KATNIP: variants seen among roughly 807,000 people sequenced by gnomAD.
KATNIP encodes the protein katanin interacting protein.
A neutral mutation model predicts 174.0 loss-of-function variants in KATNIP; 126 were observed. The observed-to-expected ratio is 0.72, with a 90% CI of 0.63 to 0.84. The LOEUF (loss-of-function observed/expected upper bound fraction) is 0.84, where lower values mean the gene tolerates loss of function less well. KATNIP is among the 40% of genes least tolerant of loss of function. KATNIP has a pLI of 0.00. For missense variants in KATNIP, 1,958 were observed against 2,109.7 expected (o/e 0.93, Z 1.41); for synonymous variants, 810 against 835.7 (o/e 0.97, Z 0.53).
intron 12 of KATNIP, 135 bp from the exon 13 acceptor site, chr16:27,708,570 T>A: frequency 3.2e-6 from 2 of 633,164 alleles, no homozygotes; most frequent in South Asian, 2.0e-5. Flanking sequence ...GTGCTATTCT[T>A]ATCCTCATTG....
At chr16:27,736,631 C>T (rs192759546) in intron 14 of KATNIP, among the ~76,000 whole-genome samples, 17 of 152,202 alleles carry the variant, frequency 1.1e-4, no homozygotes, top group African/African-American at 2.9e-4. Flanking sequence ...TCGAGGCAAG[C>T]GCCAGGAGCC....
At chr16:27,563,465 C>T (rs907429175) in intron 1 of KATNIP, among the ~76,000 whole-genome samples, 3 of 152,122 alleles carry the variant, frequency 2.0e-5, no homozygotes, top group Non-Finnish European at 4.4e-5. Flanking sequence ...CTGCAGTGAG[C>T]TGTGATCACA....
intron 17 of KATNIP, among the ~76,000 whole-genome samples, chr16:27,753,771 C>T (rs1211256523): frequency 6.8e-6 from 1 of 147,806 alleles, no homozygotes; most frequent in East Asian, 2.0e-4. Context: ...TCCTCCTTCC[C>T]TCCTTCCTTT....
chr16:27,616,041 G>T (rs2076025524), intron 2 of KATNIP, among the ~76,000 whole-genome samples: 1 of 152,090 alleles, frequency 6.6e-6, no homozygotes, highest in African/African-American at 2.4e-5. Flanking sequence ...AGCTGATATT[G>T]TATCGTTAAT....
In KATNIP at chr16:27,745,448, CTA is replaced by C. The variant is rs200784814; in HGVS notation, c.2624-4134_2624-4133del. ...AAATGGCCTCACAGCCCTGGAGTGACTATGCCCAGCTCTTGTTCCTGCAACCA... is the reference window on the plus strand; with the variant it reads ...AAATGGCCTCACAGCCCTGGAGTGACTGCCCAGCTCTTGTTCCTGCAACCA... On this transcript the variant is annotated intron_variant, in intron 15 of 27. Transcript: ENST00000261588. Among the ~76,000 whole-genome samples, 96 of 152,344 alleles carry C rather than the reference CTA, an allele frequency of 6.3e-4. 2 individuals carry two copies. The East Asian group carries it at 0.017, about 27-fold the overall frequency.
At chr16:27,679,851 CAT>C (rs2078263593) in intron 7 of KATNIP, among the ~76,000 whole-genome samples, 1 of 151,942 alleles carries the variant, frequency 6.6e-6, no homozygotes, top group East Asian at 1.9e-4. Flanking sequence ...GTCCATCAGA[CAT>C]GCTCTCACCA....
chr16:27,603,415 TG>T (rs1335671271), intron 2 of KATNIP, among the ~76,000 whole-genome samples: 4 of 152,230 alleles, frequency 2.6e-5, no homozygotes, highest in Non-Finnish European at 5.9e-5. Context: ...AAGGGCATTT[TG>T]GAGGTGAAAG....
chr16:27,727,576 C>G (rs2080498880), intron 14 of KATNIP: 2 of 152,292 alleles, frequency 1.3e-5, no homozygotes, highest in African/African-American at 4.8e-5. Flanking sequence ...TAAGAACAGC[C>G]TCGCTGAAGA....
intron 7 of KATNIP, among the ~76,000 whole-genome samples, chr16:27,680,079 T>G (rs989449870): frequency 1.3e-5 from 2 of 152,104 alleles, no homozygotes; most frequent in African/African-American, 4.8e-5. Context: ...ATCATGGCGC[T>G]GGGTTCACTG....
At chr16:27,731,899 G>C (rs1024936775) in intron 14 of KATNIP, among the ~76,000 whole-genome samples, 1 of 152,140 alleles carries the variant, frequency 6.6e-6, no homozygotes, top group Non-Finnish European at 1.5e-5. Context: ...GGGATTACAG[G>C]CATGAGTTAC....
chr16:27,593,537 C>T (rs1037869642), intron 2 of KATNIP, among the ~76,000 whole-genome samples: 27 of 151,766 alleles, frequency 1.8e-4, no homozygotes, highest in African/African-American at 6.3e-4. Context: ...CGTGTCCGTC[C>T]TAAACTTTTT....
At chr16:27,621,116 A>AT (rs1227767126) in intron 3 of KATNIP, among the ~76,000 whole-genome samples, 2 of 151,742 alleles carry the variant, frequency 1.3e-5, no homozygotes, top group Admixed American at 6.6e-5. Flanking sequence ...TCTCTAAAAT[A>AT]TTTTTTTTAA....
At position 27,622,346 on chromosome 16, in the gene KATNIP, G is replaced by A. The variant is rs373578468; in HGVS notation, c.140+3845G>A. Among the ~76,000 whole-genome samples, 9 of 152,294 alleles carry A rather than the reference G, an allele frequency of 5.9e-5. No homozygotes were observed. In the South Asian group the frequency reaches 1.7e-3, roughly 28 times the overall value. Reference sequence around the variant, plus strand: ...GTAGGGGGACAGAGTCTGGAGATGTGACAGCCTTGCCTCACTCCTGCAGAA... The same window carrying A: ...GTAGGGGGACAGAGTCTGGAGATGTAACAGCCTTGCCTCACTCCTGCAGAA... On this transcript the variant is annotated intron_variant, in intron 3 of 27. Transcript: ENST00000261588.
intron 19 of KATNIP, among the ~76,000 whole-genome samples, chr16:27,763,041 T>G (rs2082005083): frequency 6.6e-6 from 1 of 152,030 alleles, no homozygotes; most frequent in South Asian, 2.1e-4. Context: ...AAGTTGCCTG[T>G]GCGCAGTGGC....
intron 8 of KATNIP, among the ~76,000 whole-genome samples, chr16:27,689,947 T>G (rs980367825): frequency 1.3e-5 from 2 of 152,156 alleles, no homozygotes; most frequent in Non-Finnish European, 2.9e-5. Context: ...GACAAGCCCA[T>G]GCCTGGGTGC....
chr16:27,698,307 C>A, intron 8 of KATNIP, 21 bp from the exon 9 acceptor site: 1 of 1,592,624 alleles, frequency 6.3e-7, no homozygotes, highest in Non-Finnish European at 8.6e-7. Context: ...AAAAGAACGT[C>A]CCCCTGTCTT....
intron 2 of KATNIP, among the ~76,000 whole-genome samples, chr16:27,605,532 G>A (rs546267960): frequency 1.3e-5 from 2 of 152,322 alleles, no homozygotes; most frequent in South Asian, 2.1e-4. Context: ...TACATAGCAG[G>A]TAGGGTAGTA....
At chr16:27,659,028 A>G (rs2077383142) in intron 6 of KATNIP, among the ~76,000 whole-genome samples, 1 of 152,058 alleles carries the variant, frequency 6.6e-6, no homozygotes, top group Admixed American at 6.6e-5. Context: ...TGGTCTCCCA[A>G]AGTGCTGGGA....
At chr16:27,667,002 T>C (rs1486353286) in intron 6 of KATNIP, among the ~76,000 whole-genome samples, 1 of 152,122 alleles carries the variant, frequency 6.6e-6, no homozygotes, top group Middle Eastern at 3.2e-3. Flanking sequence ...TCACACCTGC[T>C]TATGGGGGAC....
Sources: allele counts gnomAD v4.1 joint callset (sites outside exome capture counted in the v4.1 genomes callset), GRCh38; gene constraint gnomAD v4.1.1; transcripts MANE v1.5; gene names NCBI Gene and HGNC (gene_info 2026-07-23, HGNC 2026-07-21).